Variants in RCOR3 observed in about 807,000 individuals in gnomAD.
RCOR3 encodes the protein REST corepressor 3.
A neutral mutation model predicts 64.1 loss-of-function variants in RCOR3; 13 were observed. The ratio of observed to expected loss-of-function variants is 0.20; its 90% CI spans 0.13 to 0.32. The LOEUF (loss-of-function observed/expected upper bound fraction) is 0.32, where lower values mean the gene tolerates loss of function less well. Among genes scored for constraint, RCOR3 ranks in the 10% least tolerant of loss-of-function variants. The probability of loss-of-function intolerance (pLI) is 1.00; values close to 1 mark genes in which losing one functional copy is unlikely to be tolerated. For synonymous variants in RCOR3, 215 were observed against 239.0 expected (o/e 0.90, Z 0.93); for missense variants, 489 against 701.2 (o/e 0.70, Z 3.42).
chr1:211,294,163 G>C (rs1350530113), intron 8 of RCOR3, among the ~76,000 whole-genome samples: 2 of 152,030 alleles, frequency 1.3e-5, no homozygotes, highest in African/African-American at 4.8e-5. Flanking sequence ...TATGATTTTT[G>C]TCAGCAAAAC....
chr1:211,268,681 T>C (rs535728282), intron 2 of RCOR3, among the ~76,000 whole-genome samples: 1 of 152,274 alleles, frequency 6.6e-6, no homozygotes, highest in South Asian at 2.1e-4. Context: ...CTGGCCAGTT[T>C]ATTTTCATTG....
At chr1:211,296,365 C>A (rs1699863819) in intron 9 of RCOR3, among the ~76,000 whole-genome samples, 1 of 152,024 alleles carries the variant, frequency 6.6e-6, no homozygotes, top group African/African-American at 2.4e-5. Context: ...CCAATCAGGT[C>A]TTTTTCTAGG....
chr1:211,280,396 G>A (rs1388618014), intron 7 of RCOR3, among the ~76,000 whole-genome samples: 1 of 152,160 alleles, frequency 6.6e-6, no homozygotes, highest in Non-Finnish European at 1.5e-5. Context: ...ACTCTTTGAA[G>A]TCAGGGACTG....
chr1:211,290,473 C>T (rs17267491), intron 8 of RCOR3, among the ~76,000 whole-genome samples: 17,672 of 152,226 alleles, frequency 0.12, 1,142 homozygotes, highest in South Asian at 0.2. Context: ...TCACTACTGC[C>T]CATTTAGGCT....
In RCOR3 at chr1:211,313,683, C is replaced by T; in HGVS notation, c.1577C>T (p.Pro526Leu). The change falls in exon 12 of 12, where the codon CCA becomes CTA. Residue 526 changes from proline to leucine, a missense_variant. Coordinates refer to ENST00000419091, the MANE Select transcript of RCOR3 (RefSeq NM_001136223.3). The surrounding 1 kb of genome is among the most constrained non-coding windows in gnomAD (Gnocchi z 4.7). ...AATTCCATGCCACCCCGTCTAAACC[C>T]AAGACCGGTGTTGTCCACGGTTGGT... ...PANSMPPRLN[P>L]RPVLSTVGGQ... 1 of 1,614,220 alleles carries T rather than the reference C, an allele frequency of 6.2e-7. No individual in the cohort carries two copies. The highest frequency in any genetic ancestry group is 8.5e-7 in the Non-Finnish European group (1 of 1,180,042).
Position 211,313,132 on chromosome 1 carries a change from A to G in RCOR3, c.1317+171A>G. 6.7e-7 allele frequency: 1 copy of G among 1,489,782 alleles called. No individual in the cohort carries two copies. The highest frequency in any genetic ancestry group is 1.4e-5 in the African/African-American group (1 of 70,898). The allele number at this position is 1,489,782 out of a possible 1,614,324, so 92.3% of individuals were successfully genotyped here. On this transcript the variant is annotated intron_variant, in intron 11 of 11. Transcript: ENST00000419091. The surrounding 1 kb of genome is among the most constrained non-coding windows in gnomAD (Gnocchi z 4.7). ...GACTCTTAAGTCATAATGACATGCTAAGTTCTGATTCTAGAAGAATGGAGA... is the reference window on the plus strand; with the variant it reads ...GACTCTTAAGTCATAATGACATGCTGAGTTCTGATTCTAGAAGAATGGAGA...
At chr1:211,267,045 G>A (rs1695330121) in intron 2 of RCOR3, among the ~76,000 whole-genome samples, 1 of 152,130 alleles carries the variant, frequency 6.6e-6, no homozygotes, top group Non-Finnish European at 1.5e-5. Flanking sequence ...GATAAAGAAG[G>A]AAGGAACTTA....
intron 10 of RCOR3, among the ~76,000 whole-genome samples, chr1:211,311,628 G>C (rs1701495540): frequency 6.6e-6 from 1 of 152,076 alleles, no homozygotes; most frequent in South Asian, 2.1e-4. Flanking sequence ...TCTCATCTGT[G>C]ATCATATACA....
At chr1:211,276,161 T>C in intron 4 of RCOR3, 96 bp from the exon 5 acceptor site, 2 of 1,218,140 alleles carry the variant, frequency 1.6e-6, no homozygotes, top group Non-Finnish European at 2.3e-6. Flanking sequence ...GTCGAAGTCA[T>C]AGGCTTAAGA....
At chr1:211,267,618 G>T (rs1010394168) in intron 2 of RCOR3, among the ~76,000 whole-genome samples, 1 of 152,128 alleles carries the variant, frequency 6.6e-6, no homozygotes, top group African/African-American at 2.4e-5. Context: ...TTGAGACAGG[G>T]TCTTGCTCTG....
At chr1:211,260,730 C>G (rs1694107450) in intron 2 of RCOR3, among the ~76,000 whole-genome samples, 1 of 141,596 alleles carries the variant, frequency 7.1e-6, no homozygotes, top group Admixed American at 7.0e-5. Flanking sequence ...GTGCAGGAGC[C>G]GCGGAGAGAA....
At chr1:211,309,915 A>T (rs1983260) in intron 10 of RCOR3, among the ~76,000 whole-genome samples, 145,553 of 152,228 alleles carry the variant, frequency 0.96, 69,652 homozygotes, top group East Asian at 1. Context: ...GTTTGCTTAG[A>T]TGCTAGCAAC....
chr1:211,286,793 G>T (rs1470350629), intron 7 of RCOR3, among the ~76,000 whole-genome samples: 1 of 152,054 alleles, frequency 6.6e-6, no homozygotes, highest in African/African-American at 2.4e-5. Flanking sequence ...TTACATCTTG[G>T]TTTTTTAAAT....
intron 10 of RCOR3, among the ~76,000 whole-genome samples, chr1:211,311,374 G>A (rs2102679254): frequency 6.6e-6 from 1 of 152,236 alleles, no homozygotes; most frequent in Middle Eastern, 3.4e-3. Context: ...GATATAATTA[G>A]AGGATAATAA....
Position 211,313,379 on chromosome 1 carries a change from T to C in RCOR3, c.1318-45T>C. The stretch of plus-strand genomic sequence containing the variant: ...CCAAACTATATTGTATTAAGTTCAT[T>C]AGGACTTACATCTCATACGTGTATT... On this transcript the variant is annotated intron_variant, in intron 11 of 11. Transcript: ENST00000419091. The surrounding 1 kb of genome is among the most constrained non-coding windows in gnomAD (Gnocchi z 4.7). 7 of 1,568,966 alleles carry C rather than the reference T, an allele frequency of 4.5e-6. No individual in the cohort carries two copies. The highest frequency in any genetic ancestry group is 6.1e-6 in the Non-Finnish European group (7 of 1,155,802).
intron 9 of RCOR3, chr1:211,301,394 T>A (rs926555434): frequency 2.0e-5 from 3 of 152,228 alleles, no homozygotes; most frequent in Non-Finnish European, 2.9e-5. Flanking sequence ...TAAAGTCTTA[T>A]TTTAGTTATG....
At chr1:211,303,535 G>C (rs1700586928) in intron 9 of RCOR3, 2 of 152,446 alleles carry the variant, frequency 1.3e-5, no homozygotes, top group Non-Finnish European at 2.9e-5. Context: ...CACTAATGAA[G>C]TCTGATTAGA....
Position 211,278,377 on chromosome 1 carries a change from G to A in RCOR3, c.641+136G>A, listed in dbSNP as rs1571863689. On this transcript the variant is annotated intron_variant, in intron 6 of 11. Coordinates refer to ENST00000419091, the MANE Select transcript of RCOR3 (RefSeq NM_001136223.3). Reference sequence around the variant, plus strand: ...TACATTTATGTTTCTACTCTGACAAGAAGAGCCAAGTGGTTAGAAGTTTTA... The same window carrying A: ...TACATTTATGTTTCTACTCTGACAAAAAGAGCCAAGTGGTTAGAAGTTTTA... 4.0e-6 allele frequency: 4 copies of A among 991,500 alleles called. No individual in the cohort carries two copies. In the East Asian group the frequency reaches 1.1e-4, roughly 26 times the overall value. The allele number at this position is 991,500 out of a possible 1,614,324, so 61.4% of individuals were successfully genotyped here.
chr1:211,265,601 C>G (rs982900735), intron 2 of RCOR3, among the ~76,000 whole-genome samples: 1 of 152,082 alleles, frequency 6.6e-6, no homozygotes. Context: ...CACCTGTAAT[C>G]CCAGCTACTT....
Sources: allele counts gnomAD v4.1 joint callset (sites outside exome capture counted in the v4.1 genomes callset), GRCh38; gene constraint gnomAD v4.1.1; non-coding constraint Gnocchi (gnomAD v3.1); transcripts MANE v1.5; gene names NCBI Gene and HGNC (gene_info 2026-07-23, HGNC 2026-07-21).